The following MYT1L variants were observed in gnomAD, a reference collection of about 807,000 sequenced individuals.
The protein encoded by MYT1L is myelin transcription factor 1-like protein.
MYT1L carries 12 observed loss-of-function variants against 126.7 expected under a neutral mutation model. The observed-to-expected ratio is 0.09, with a 90% confidence interval of 0.06 to 0.15. MYT1L has a LOEUF of 0.15. Among genes scored for constraint, MYT1L ranks in the 10% least tolerant of loss-of-function variants. The pLI is 1.00. For synonymous variants in MYT1L, 541 were observed against 604.2 expected, an observed-to-expected ratio of 0.90 and a Z score of 1.53; for missense variants, 979 against 1,585.2, an observed-to-expected ratio of 0.62 and a Z score of 6.49.
intron 3 of MYT1L, among the ~76,000 whole-genome samples, chr2:2,140,027 A>C (rs1432007861): frequency 6.6e-6 from 1 of 152,184 alleles, no homozygotes; most frequent in Non-Finnish European, 1.5e-5. Flanking sequence ...CTAAATTAGA[A>C]AGAGATTTCT....
rs867711940 is a variant in MYT1L, at chr2:2,301,386, T to C, written c.-520-16883A>G. On this transcript the variant is annotated intron_variant, in intron 1 of 24. Coordinates refer to ENST00000647738, the MANE Select transcript of MYT1L (RefSeq NM_001303052.2). ...CATACGTAGGTAGACACATTCATTT[T>C]TTCATCACTTTATTAGAAAGCATTC... Among the ~76,000 whole-genome samples the C allele has an allele frequency of 2.0e-4, 30 of 152,346 alleles. No individual in the cohort carries two copies. In the Middle Eastern group the frequency reaches 0.017, roughly 86 times the overall value.
Position 2,260,044 on chromosome 2 carries a change from C to T in MYT1L, c.-421+24360G>A, listed in dbSNP as rs560204076. ...CATTTTACACACGTCTTGACATTAG[C>T]GTGGCCTGGCTCCCTCTAAACAAGA... On this transcript the variant is annotated intron_variant, in intron 2 of 24. Coordinates refer to ENST00000647738, the MANE Select transcript of MYT1L (RefSeq NM_001303052.2). Among the ~76,000 whole-genome samples, 13 of 152,286 alleles carry T rather than the reference C, an allele frequency of 8.5e-5. No homozygotes were observed. In the East Asian group the frequency reaches 1.5e-3, roughly 18 times the overall value.
chr2:1,795,967 C>A (rs1348330643), intron 23 of MYT1L, among the ~76,000 whole-genome samples: 1 of 152,214 alleles, frequency 6.6e-6, no homozygotes, highest in African/African-American at 2.4e-5. Context: ...AAGGTCAAAT[C>A]TAGCCTGGGG....
chr2:2,067,667 T>C (rs897547972), intron 3 of MYT1L, among the ~76,000 whole-genome samples: 2 of 152,132 alleles, frequency 1.3e-5, no homozygotes, highest in African/African-American at 2.4e-5. Context: ...AGGACCCCCA[T>C]AGCATTGACT....
At chr2:1,876,104 G>A (rs2046872846) in intron 18 of MYT1L, among the ~76,000 whole-genome samples, 1 of 152,122 alleles carries the variant, frequency 6.6e-6, no homozygotes, top group Admixed American at 6.5e-5. Context: ...CTGATTCCCG[G>A]GTATTTTCAG....
At chr2:2,254,876 C>T (rs1288366156) in intron 2 of MYT1L, among the ~76,000 whole-genome samples, 2 of 152,110 alleles carry the variant, frequency 1.3e-5, no homozygotes, top group Non-Finnish European at 2.9e-5. Context: ...TTATTTTATT[C>T]CCCTCTTCCC....
In MYT1L at chr2:2,295,663, C is replaced by CAG. The variant is rs377336266; in HGVS notation, c.-520-11162_-520-11161dup. ...AGAGAGAGATAGAGAGACAGACAGA[C>CAG]AGAGAGAGAGAGAGAGACAGACAGA... is the stretch of plus-strand genomic sequence containing the variant. On this transcript the variant is annotated intron_variant, in intron 1 of 24. Coordinates refer to ENST00000647738, the MANE Select transcript of MYT1L (RefSeq NM_001303052.2). Among the ~76,000 whole-genome samples, 22 of 32,194 alleles carry CAG rather than the reference C, an allele frequency of 6.8e-4. 1 individual carries two copies. Among genetic ancestry groups the CAG allele is most frequent in the East Asian group, 8.5e-4 (1 of 1,182 alleles). 21.1% of individuals were successfully genotyped at this position (32,194 alleles called of 152,430 possible). A position where few individuals can be genotyped will look rare whatever the true frequency, so the allele number is the denominator to read the frequency against.
At chr2:2,328,588 A>C (rs967767795) in intron 1 of MYT1L, among the ~76,000 whole-genome samples, 1 of 152,208 alleles carries the variant, frequency 6.6e-6, no homozygotes, top group African/African-American at 2.4e-5. Flanking sequence ...GTTGGATGCA[A>C]GTTTAACTCA....
intron 1 of MYT1L, among the ~76,000 whole-genome samples, chr2:2,312,289 T>C (rs761121986): frequency 6.6e-6 from 1 of 152,180 alleles, no homozygotes; most frequent in African/African-American, 2.4e-5. Context: ...CAATTTATTC[T>C]CTATCTCTCC....
chr2:2,277,139 C>T (rs144520392), intron 2 of MYT1L, among the ~76,000 whole-genome samples: 60 of 152,140 alleles, frequency 3.9e-4, no homozygotes, highest in African/African-American at 1.3e-3. Flanking sequence ...CCGCCACCAC[C>T]CCCGGCTAAT....
rs532936233 is a variant in MYT1L, at chr2:1,797,887, C to G, written c.3276+3809G>C. On this transcript the variant is annotated intron_variant, in intron 23 of 24. Transcript: ENST00000647738. ...GGTCTCCCCCCATCCGGCACAGGCG[C>G]GGCGGTCTCCCCCTTCTCCGGCACA... Among the ~76,000 whole-genome samples the G allele has an allele frequency of 2.7e-5, 3 of 112,886 alleles. No individual in the cohort carries two copies. In the East Asian group the frequency reaches 8.0e-4, roughly 30 times the overall value. 74.1% of individuals were successfully genotyped at this position (112,886 alleles called of 152,430 possible).
chr2:2,266,520 C>T lies in MYT1L; in HGVS notation c.-421+17884G>A, dbSNP rs539832684. 3.0e-4 allele frequency among the ~76,000 whole-genome samples: 45 copies of T among 152,270 alleles called. No individual in the cohort carries two copies. In the South Asian group the frequency reaches 3.9e-3, roughly 13 times the overall value. ...GGTGGGGTGAGGGACCACAGCATTT[C>T]GCAGTGGCTCCATGTGCTACATTAC... On this transcript the variant is annotated intron_variant, in intron 2 of 24. Coordinates refer to ENST00000647738, the MANE Select transcript of MYT1L (RefSeq NM_001303052.2).
intron 2 of MYT1L, among the ~76,000 whole-genome samples, chr2:2,189,862 G>A (rs966013432): frequency 6.6e-6 from 1 of 150,692 alleles, no homozygotes; most frequent in African/African-American, 2.4e-5. Flanking sequence ...GCGTTCTCAG[G>A]ACCGCACGGG....
At chr2:1,987,474 C>G (rs1182737144) in intron 5 of MYT1L, among the ~76,000 whole-genome samples, 1 of 152,092 alleles carries the variant, frequency 6.6e-6, no homozygotes, top group Non-Finnish European at 1.5e-5. Flanking sequence ...GGGCAGCGTT[C>G]CCATGGGAGG....
chr2:2,122,872 T>TGTGTGTGTGAGAGA (rs553951630), intron 3 of MYT1L, among the ~76,000 whole-genome samples: 83 of 133,058 alleles, frequency 6.2e-4, no homozygotes, highest in South Asian at 3.3e-3. Context: ...TGTGTGTGTG[T>TGTGTGTGTGAGAGA]GAGAGAGAGA....
intron 3 of MYT1L, among the ~76,000 whole-genome samples, chr2:2,098,276 A>C (rs1048247341): frequency 6.6e-6 from 1 of 152,140 alleles, no homozygotes; most frequent in African/African-American, 2.4e-5. Flanking sequence ...CTTAGTTTTC[A>C]GGAGACAGAT....
At chr2:2,117,511 C>G (rs984234489) in intron 3 of MYT1L, among the ~76,000 whole-genome samples, 2 of 152,062 alleles carry the variant, frequency 1.3e-5, no homozygotes, top group African/African-American at 4.8e-5. Context: ...CCCAAGGAAG[C>G]CTGGATACAA....
At chr2:1,941,236 T>C (rs1332844913) in intron 9 of MYT1L, among the ~76,000 whole-genome samples, 1 of 152,182 alleles carries the variant, frequency 6.6e-6, no homozygotes, top group Admixed American at 6.5e-5. Context: ...TTAAGGCCCC[T>C]GGTGTAAACG....
At chr2:2,056,500 GTCCATCCA>G (rs768090361) in intron 3 of MYT1L, among the ~76,000 whole-genome samples, 3 of 152,122 alleles carry the variant, frequency 2.0e-5, no homozygotes, top group Non-Finnish European at 4.4e-5. Context: ...ACATCCATCC[GTCCATCCA>G]TCCATCCATC....
Sources: allele counts gnomAD v4.1 joint callset (sites outside exome capture counted in the v4.1 genomes callset), GRCh38; gene constraint gnomAD v4.1.1; transcripts MANE v1.5; gene names NCBI Gene and HGNC (gene_info 2026-07-23, HGNC 2026-07-21).